ACVR1B: variants seen among roughly 807,000 people sequenced by gnomAD.
The protein encoded by ACVR1B is activin receptor type-1B.
A neutral mutation model predicts 55.6 loss-of-function variants in ACVR1B; 15 were observed. The observed-to-expected ratio is 0.27, with a 90% CI of 0.18 to 0.42. The LOEUF (loss-of-function observed/expected upper bound fraction) is 0.42. Among genes scored for constraint, ACVR1B ranks in the 10% least tolerant of loss-of-function variants. ACVR1B has a pLI of 1.00. For missense variants in ACVR1B, 359 were observed against 670.1 expected (o/e 0.54, Z 5.13); for synonymous variants, 247 against 254.6 (o/e 0.97, Z 0.28).
At position 51,988,199 on chromosome 12, in the gene ACVR1B, G is replaced by A. The variant is rs1024531417; in HGVS notation, c.1261+1257G>A. ...AAAACAGACTAAGAGGCCAGGCGCA[G>A]TGGCTCACGCTTGTAATCCCCAGCA... On this transcript the variant is annotated intron_variant, in intron 7 of 8. Transcript: ENST00000257963. 2.6e-5 allele frequency among the ~76,000 whole-genome samples: 4 copies of A among 152,242 alleles called. 1 individual carries two copies. The highest frequency in any genetic ancestry group is 1.5e-5 in the Non-Finnish European group (1 of 68,046).
At chr12:51,953,378 C>CTAAT in intron 1 of ACVR1B, 1 of 985,440 alleles carries the variant, frequency 1.0e-6, no homozygotes. Context: ...TGTTCACGGG[C>CTAAT]TAATGCTTCT....
At chr12:51,953,933 A>G (rs1416022093) in intron 1 of ACVR1B, among the ~76,000 whole-genome samples, 2 of 152,176 alleles carry the variant, frequency 1.3e-5, no homozygotes, top group Admixed American at 6.5e-5. Context: ...GTGTCCAGCA[A>G]ACATTCTCCA....
rs1244670840 is a variant in ACVR1B, at chr12:51,981,186, T to A, written c.798T>A (p.Ala266=). ...LRHENILGFI[A]ADNKDNGTWT... ...ATGAAAACATCCTTGGATTTATTGC[T>A]GCTGACAATAAAGGTAAGGGCTGGG... The change falls in exon 4 of 9, where the codon GCT becomes GCA. Residue 266 remains alanine (A), a synonymous_variant. Coordinates refer to ENST00000257963, the MANE Select transcript of ACVR1B (RefSeq NM_004302.5). 6.2e-7 allele frequency: 1 copy of A among 1,613,696 alleles called. No individual in the cohort carries two copies. The highest frequency in any genetic ancestry group is 1.7e-5 in the Admixed American group (1 of 60,006).
chr12:51,958,644 C>G (rs915582431), intron 1 of ACVR1B, among the ~76,000 whole-genome samples: 1 of 90,602 alleles, frequency 1.1e-5, no homozygotes, highest in African/African-American at 4.1e-5. Context: ...TGAGACTCCT[C>G]AAAAAAAAAA....
At chr12:51,970,173 T>C (rs1439691956) in intron 1 of ACVR1B, among the ~76,000 whole-genome samples, 1 of 152,188 alleles carries the variant, frequency 6.6e-6, no homozygotes, top group Non-Finnish European at 1.5e-5. Context: ...GGGTGCTGAA[T>C]CTGATCACAT....
At chr12:51,953,995 A>G (rs565422065) in intron 1 of ACVR1B, among the ~76,000 whole-genome samples, 2 of 152,338 alleles carry the variant, frequency 1.3e-5, no homozygotes, top group Non-Finnish European at 2.9e-5. Flanking sequence ...GGACACGTCT[A>G]GTTGCCAATA....
intron 1 of ACVR1B, among the ~76,000 whole-genome samples, chr12:51,967,869 C>G (rs111930700): frequency 0.084 from 12,731 of 152,294 alleles, 713 homozygotes; most frequent in Middle Eastern, 0.15. Context: ...AGAGCCCAGG[C>G]TGTTAATCAC....
Position 51,981,103 on chromosome 12 carries a change from C to T in ACVR1B, c.715C>T (p.Arg239Cys), listed in dbSNP as rs760835152. Reference protein sequence around the residue: ...GDVAVKIFSSREERSWFREAE... With the variant: ...GDVAVKIFSSCEERSWFREAE... Reference sequence around the variant, plus strand: ...TGTGGCTGTGAAAATATTCTCTTCTCGTGAAGAACGGTCTTGGTTCAGGGA... The same window carrying T: ...TGTGGCTGTGAAAATATTCTCTTCTTGTGAAGAACGGTCTTGGTTCAGGGA... The change falls in exon 4 of 9, where the codon CGT (arginine) becomes TGT (cysteine). Residue 239 changes from arginine (R) to cysteine (C), a missense_variant. Physicochemically the swap from Arg to Cys is radical, Grantham distance 180. Transcript: ENST00000257963. The T allele has an allele frequency of 1.9e-6, 3 of 1,614,088 alleles. No individual in the cohort carries two copies. Among genetic ancestry groups the T allele is most frequent in the Non-Finnish European group, 2.5e-6 (3 of 1,180,036 alleles).
intron 1 of ACVR1B, among the ~76,000 whole-genome samples, chr12:51,955,079 T>C (rs1318086512): frequency 6.6e-6 from 1 of 152,196 alleles, no homozygotes; most frequent in African/African-American, 2.4e-5. Flanking sequence ...TGCTTTAGGC[T>C]TTATTGGTTT....
rs534746220 is a variant in ACVR1B at position 51,986,035 on chromosome 12, C to T, written c.1136+687C>T. Among the ~76,000 whole-genome samples the T allele has an allele frequency of 1.4e-3, 219 of 152,092 alleles. 1 individual carries two copies. Among genetic ancestry groups the T allele is most frequent in the South Asian group, 0.014 (69 of 4,816 alleles). The stretch of plus-strand genomic sequence containing the variant: ...TACTACTCAGAGTCATTAAGGGTGC[C>T]GCTGACCACCTCTAGAATTAATTTT... On this transcript the variant is annotated intron_variant, in intron 6 of 8. Transcript: ENST00000257963.
intron 1 of ACVR1B, among the ~76,000 whole-genome samples, chr12:51,964,550 A>G (rs1224945723): frequency 6.6e-6 from 1 of 152,190 alleles, no homozygotes; most frequent in Non-Finnish European, 1.5e-5. Flanking sequence ...ATCCAAGTTC[A>G]TGAAGTTTTA....
At chr12:51,958,810 A>G (rs1046000200) in intron 1 of ACVR1B, among the ~76,000 whole-genome samples, 2 of 152,090 alleles carry the variant, frequency 1.3e-5, no homozygotes, top group East Asian at 3.9e-4. Context: ...GAGCTCAGGT[A>G]CCCGCCTGCC....
chr12:51,985,104 C>T, intron 5 of ACVR1B, 88 bp from the exon 6 acceptor site: 1 of 1,388,416 alleles, frequency 7.2e-7, no homozygotes, highest in Non-Finnish European at 9.6e-7. Flanking sequence ...AAAGCCAGGA[C>T]TCAAACCTAT....
chr12:51,980,912 G>A (rs1015359491), intron 3 of ACVR1B, 57 bp from the exon 4 acceptor site: 3 of 1,477,248 alleles, frequency 2.0e-6, no homozygotes, highest in Admixed American at 4.0e-5. Context: ...TAGTGTGGGA[G>A]TTGGAAAATT....
intron 1 of ACVR1B, among the ~76,000 whole-genome samples, chr12:51,973,596 A>G (rs576472894): frequency 2.0e-5 from 3 of 152,348 alleles, no homozygotes; most frequent in African/African-American, 7.2e-5. Context: ...TTGTGTCTAA[A>G]TGGGTTAGAA....
intron 1 of ACVR1B, 59 bp downstream of exon 1, chr12:51,951,893 C>A (rs1020936784): frequency 2.7e-6 from 3 of 1,099,486 alleles, no homozygotes; most frequent in Admixed American, 4.5e-5. Context: ...AGGGCGAGGC[C>A]TCGAGCCGCG....
intron 1 of ACVR1B, among the ~76,000 whole-genome samples, chr12:51,955,007 T>C (rs1941380971): frequency 2.0e-5 from 3 of 152,230 alleles, no homozygotes; most frequent in Admixed American, 2.0e-4. Flanking sequence ...TCTGGCAGGC[T>C]CTTACATCGT....
rs962112771 is a variant in ACVR1B at position 51,982,753 on chromosome 12, C to G, written c.812-1246C>G. On this transcript the variant is annotated intron_variant, in intron 4 of 8. Coordinates refer to ENST00000257963, the MANE Select transcript of ACVR1B (RefSeq NM_004302.5). ...TCTCTGCTGCCCCCAAGCTGAGGAG[C>G]CTTAGACTCCAATACAAGGGAGGAA... The G allele has an allele frequency of 7.8e-6, 12 of 1,533,876 alleles. No individual in the cohort carries two copies. The African/African-American group carries it at 1.4e-4, about 18-fold the overall frequency.
chr12:51,977,761 G>C (rs1941894323), intron 3 of ACVR1B, among the ~76,000 whole-genome samples: 2 of 149,566 alleles, frequency 1.3e-5, no homozygotes, highest in Non-Finnish European at 3.0e-5. Context: ...GAGATGTCAG[G>C]CATGTGCCAC....
Sources: allele counts gnomAD v4.1 joint callset (sites outside exome capture counted in the v4.1 genomes callset), GRCh38; gene constraint gnomAD v4.1.1; transcripts MANE v1.5; gene names NCBI Gene and HGNC (gene_info 2026-07-23, HGNC 2026-07-21).